NEB: variants seen among roughly 807,000 people sequenced by gnomAD.
The protein encoded by NEB is nebulin, also known as nemaline myopathy type 2.
Under a neutral mutation model 952.2 loss-of-function variants are expected in NEB, and 512 were observed. The ratio of observed to expected loss-of-function variants is 0.54; its 90% CI spans 0.50 to 0.58. The LOEUF is 0.58. NEB is among the 20% of genes least tolerant of loss of function. The probability of loss-of-function intolerance (pLI) is 0.00; values close to 1 mark genes in which losing one functional copy is unlikely to be tolerated. For synonymous variants in NEB, 2,900 were observed against 3,149.8 expected (o/e 0.92, Z 2.66); for missense variants, 8,428 against 9,231.1 (o/e 0.91, Z 3.56).
At chr2:151,609,747 A>T in intron 81 of NEB, 62 bp downstream of exon 81, 1 of 1,485,824 alleles carries the variant, frequency 6.7e-7, no homozygotes, top group East Asian at 2.3e-5. Context: ...AGAGGCACTG[A>T]CTGGGCAATG....
chr2:151,679,669 C>T, intron 32 of NEB, 52 bp downstream of exon 32: 5 of 470,102 alleles, frequency 1.1e-5, no homozygotes, highest in South Asian at 1.9e-5. Context: ...AGACCCCAAG[C>T]CCACCCACCC....
chr2:151,689,028 T>G (rs2099524875), intron 24 of NEB, among the ~76,000 whole-genome samples: 1 of 152,104 alleles, frequency 6.6e-6, no homozygotes, highest in Non-Finnish European at 1.5e-5. Context: ...GTAACCATAC[T>G]TTGGGCTGCC....
intron 13 of NEB, among the ~76,000 whole-genome samples, chr2:151,699,166 T>C (rs1576807951): frequency 1.1e-4 from 14 of 122,886 alleles, no homozygotes; most frequent in Non-Finnish European, 1.7e-4. Context: ...TCCAGTTTCA[T>C]CCATGTCCCT....
chr2:151,717,232 T>C (rs2099761453), intron 10 of NEB, among the ~76,000 whole-genome samples, 184 bp downstream of exon 10: 1 of 152,262 alleles, frequency 6.6e-6, no homozygotes, highest in Non-Finnish European at 1.5e-5. Context: ...TAAACATTTA[T>C]TAACACAGTT....
At chr2:151,665,309 C>A (rs778236886) in intron 42 of NEB, 24 bp downstream of exon 42, 14 of 1,608,426 alleles carry the variant, frequency 8.7e-6, no homozygotes, top group Admixed American at 1.7e-5. Context: ...GTTCCCTGGG[C>A]GAGGCTGGCA....
In NEB at chr2:151,697,549, T is replaced by C. The variant is rs2099605413; in HGVS notation, c.1252A>G (p.Ser418Gly). The C allele has an allele frequency of 1.9e-6, 3 of 1,612,290 alleles. No individual in the cohort carries two copies. Among genetic ancestry groups the C allele is most frequent in the Admixed American group, 3.3e-5 (2 of 59,756 alleles). The change falls in exon 14 of 182, where the codon AGT (serine) becomes GGT (glycine). Residue 418 changes from serine (S) to glycine (G), a missense_variant. Transcript: ENST00000397345. Reference sequence around the variant, plus strand: ...GTGACAGTAGGATTGCTTACATCACTACTGAAGTTCTGCAGAACAGTATCG... The same window carrying C: ...GTGACAGTAGGATTGCTTACATCACCACTGAAGTTCTGCAGAACAGTATCG... Reference protein sequence around the residue: ...KLDTVLQNFSSDKKYKDSYLK... With the variant: ...KLDTVLQNFSGDKKYKDSYLK...
At chr2:151,661,658 C>A (rs1438669285) in intron 46 of NEB, among the ~76,000 whole-genome samples, 1 of 152,182 alleles carries the variant, frequency 6.6e-6, no homozygotes, top group Admixed American at 6.5e-5. Flanking sequence ...CAAGGAAACA[C>A]TGATGTAGAA....
At chr2:151,696,073 C>T (rs1050674507) in intron 17 of NEB, among the ~76,000 whole-genome samples, 2 of 152,122 alleles carry the variant, frequency 1.3e-5, no homozygotes, top group African/African-American at 4.8e-5. Flanking sequence ...CTAATTGGAG[C>T]CTTCATTTCT....
intron 62 of NEB, 29 bp downstream of exon 62, chr2:151,639,828 C>G (rs971933270): frequency 6.4e-7 from 1 of 1,567,406 alleles, no homozygotes; most frequent in African/African-American, 1.4e-5. Flanking sequence ...TTAGGAGCCC[C>G]ACTTCGATTC....
At chr2:151,682,002 C>A (rs2099417298) in intron 29 of NEB, among the ~76,000 whole-genome samples, 1 of 152,062 alleles carries the variant, frequency 6.6e-6, no homozygotes, top group African/African-American at 2.4e-5. Context: ...TGGTTCTTGC[C>A]ATTACTTTTA....
intron 119 of NEB, 74 bp from the exon 120 acceptor site, chr2:151,562,882 T>G: frequency 1.0e-6 from 1 of 990,992 alleles, no homozygotes; most frequent in East Asian, 2.7e-5. Flanking sequence ...TTTTAGATCC[T>G]TATTTCCCAT....
At chr2:151,562,260 T>A (rs1236217620) in intron 120 of NEB, 46 bp from the exon 121 acceptor site, 1 of 1,441,722 alleles carries the variant, frequency 6.9e-7, no homozygotes, top group Non-Finnish European at 9.8e-7. Flanking sequence ...ATTCTGAATT[T>A]ACAATTGAGC....
chr2:151,669,115 T>C lies in NEB; in HGVS notation c.4523A>G (p.Glu1508Gly). 1.3e-6 allele frequency: 2 copies of C among 1,580,852 alleles called. No individual in the cohort carries two copies. Among genetic ancestry groups the C allele is most frequent in the Non-Finnish European group, 8.6e-7 (1 of 1,161,226 alleles). Residue 1508 changes from glutamate to glycine, a missense_variant, in exon 39 of 182, where the codon GAG becomes GGG. By Grantham distance (98) the Glu-to-Gly change is moderately conservative (BLOSUM62 -2). Coordinates refer to ENST00000397345, the MANE Select transcript of NEB (RefSeq NM_001164508.2). Reference protein sequence around the residue: ...KQLSDLNYKVEGEKLKHKYTI... With the variant: ...KQLSDLNYKVGGEKLKHKYTI... ...ATACTTGTGCTTCAGTTTCTCTCCCTCTACCTTGTAGTTCAACTAAAAACA... is the reference window on the plus strand; with the variant it reads ...ATACTTGTGCTTCAGTTTCTCTCCCCCTACCTTGTAGTTCAACTAAAAACA...
At position 151,491,761 on chromosome 2, in the gene NEB, G is replaced by A. The variant is rs757107530; in HGVS notation, c.25072C>T (p.Arg8358Cys). ...TCAAAAACCGAACCAGGATTAGTAC[G>A]CCAGACACGTAAACCTGAAAGGGAA... Reference protein sequence around the residue: ...QETITGLRVWRTNPGSVFDYD... With the variant: ...QETITGLRVWCTNPGSVFDYD... The change falls in exon 179 of 182, where the codon CGT becomes TGT. Residue 8358 changes from arginine (R) to cysteine (C), a missense_variant. Transcript: ENST00000397345. The A allele has an allele frequency of 1.8e-5, 29 of 1,588,920 alleles. No homozygotes were observed. The South Asian group carries it at 1.8e-4, about 10-fold the overall frequency.
At position 151,492,097 on chromosome 2, in the gene NEB, C is replaced by A. The variant is rs1191429915; in HGVS notation, c.25057+1G>T. 5.6e-6 allele frequency: 9 copies of A among 1,613,736 alleles called. No individual in the cohort carries two copies. The highest frequency in any genetic ancestry group is 7.6e-6 in the Non-Finnish European group (9 of 1,179,708). ...CCCTCCCCCAACCCAGGCTCAGTTA[C>A]CTGTAATAGTCTCCTGATCTTGGTC... On this transcript the variant is annotated splice_donor_variant, in intron 178 of 181. Coordinates refer to ENST00000397345, the MANE Select transcript of NEB (RefSeq NM_001164508.2). LOFTEE classifies it high-confidence loss of function.
intron 105 of NEB, among the ~76,000 whole-genome samples, chr2:151,577,946 A>G (rs879915672): frequency 2.6e-5 from 4 of 152,152 alleles, no homozygotes; most frequent in Admixed American, 6.6e-5. Context: ...TGCCTGGCAC[A>G]TGGTGTGTTT....
At chr2:151,657,496 G>A (rs2099098294) in intron 48 of NEB, among the ~76,000 whole-genome samples, 1 of 152,160 alleles carries the variant, frequency 6.6e-6, no homozygotes, top group South Asian at 2.1e-4. Context: ...TTTCTGTGGT[G>A]TAAATATGCC....
At chr2:151,535,985 C>A (rs2093108178) in intron 141 of NEB, among the ~76,000 whole-genome samples, 190 bp from the exon 142 acceptor site, 1 of 152,194 alleles carries the variant, frequency 6.6e-6, no homozygotes, top group African/African-American at 2.4e-5. Flanking sequence ...TAGCTCACTG[C>A]AACCTCCGCC....
intron 153 of NEB, among the ~76,000 whole-genome samples, chr2:151,522,722 C>G (rs1234446585): frequency 6.6e-6 from 1 of 152,180 alleles, no homozygotes; most frequent in Non-Finnish European, 1.5e-5. Flanking sequence ...GCTTGCTGGT[C>G]TCAGTCTTTC....
Sources: allele counts gnomAD v4.1 joint callset (sites outside exome capture counted in the v4.1 genomes callset), GRCh38; gene constraint gnomAD v4.1.1; transcripts MANE v1.5; gene names NCBI Gene and HGNC (gene_info 2026-07-23, HGNC 2026-07-21).